The following OTOF variants were observed in gnomAD, a reference collection of about 807,000 sequenced individuals.
OTOF encodes otoferlin, also known as fer-1-like family member 2.
In OTOF, 218 loss-of-function variants were observed where a neutral mutation model predicts 236.8. That is an observed-to-expected ratio of 0.92 (90% confidence interval 0.82 to 1.03). OTOF has a LOEUF of 1.03. OTOF is among the 50% of genes least tolerant of loss of function. OTOF has a pLI of 0.00. For missense variants in OTOF, 2,590 were observed against 2,694.4 expected (o/e 0.96, Z 0.86); for synonymous variants, 1,041 against 1,072.5 (o/e 0.97, Z 0.57).
rs776696992 is a variant in OTOF at position 26,473,988 on chromosome 2, C to T, written c.3408+3G>A. On this transcript the variant is annotated splice_donor_region_variant and intron_variant, in intron 27 of 46. Transcript: ENST00000272371. The surrounding 1 kb of genome is among the most constrained non-coding windows in gnomAD (Gnocchi z 7.2). ...AGGGAAGGGCCACACAGAGCCCTCG[C>T]ACCTCCACTCGGTACTTGCTGAGCA... 1 of 1,612,900 alleles carries T rather than the reference C, an allele frequency of 6.2e-7. No individual in the cohort carries two copies. Among genetic ancestry groups the T allele is most frequent in the Non-Finnish European group, 8.5e-7 (1 of 1,179,884 alleles).
At chr2:26,513,985 C>T (rs905754209) in intron 5 of OTOF, among the ~76,000 whole-genome samples, 6 of 152,234 alleles carry the variant, frequency 3.9e-5, no homozygotes, top group African/African-American at 1.4e-4. Flanking sequence ...AACTCAATGG[C>T]CCCATATGGG....
At chr2:26,556,699 GGTCCTGAGAGCTGGGACCACC>G (rs1392485210) in intron 1 of OTOF, among the ~76,000 whole-genome samples, 2 of 152,058 alleles carry the variant, frequency 1.3e-5, no homozygotes, top group Non-Finnish European at 2.9e-5. Context: ...CTCAGGATGA[GGTCCTGAGAGCTGGGACCACC>G]GTGCCTCAGC....
intron 46 of OTOF, 25 bp from the exon 47 acceptor site, chr2:26,458,245 G>C: frequency 1.3e-6 from 2 of 1,556,586 alleles, no homozygotes; most frequent in Non-Finnish European, 1.7e-6. Context: ...AGAGGAGCCG[G>C]TCAGCCAGTG....
chr2:26,464,168 G>A, intron 39 of OTOF, 62 bp from the exon 40 acceptor site: 3 of 1,598,538 alleles, frequency 1.9e-6, no homozygotes, highest in Non-Finnish European at 2.6e-6. Context: ...CCTTTGCTGG[G>A]ACTAGGGACT....
rs1665622532 is a variant in OTOF at position 26,483,585 on chromosome 2, A to T, written c.1269T>A (p.Ile423=). The change falls in exon 13 of 47, where the codon ATT becomes ATA. Residue 423 remains isoleucine (I), a synonymous_variant. Transcript: ENST00000272371. The part of the protein sequence containing the change: ...ERQWARFYVK[I]YRAEGLPRMN... ...TACGGGGCAGCCCCTCTGCTCGGTA[A>T]ATTTTCACATAGAACCGGGCCCACT... 1 of 1,613,720 alleles carries T rather than the reference A, an allele frequency of 6.2e-7. No individual in the cohort carries two copies.
chr2:26,459,542 ACT>A (rs1159106027), intron 46 of OTOF, among the ~76,000 whole-genome samples: 1 of 137,082 alleles, frequency 7.3e-6, no homozygotes, highest in Non-Finnish European at 1.5e-5. Context: ...ACAGAGCGAG[ACT>A]CTGTCTCCAA....
At chr2:26,502,947 T>C (rs1305380032) in intron 6 of OTOF, among the ~76,000 whole-genome samples, 1 of 152,242 alleles carries the variant, frequency 6.6e-6, no homozygotes, top group African/African-American at 2.4e-5. Flanking sequence ...TTGGTGTGTA[T>C]TCATCTAATG....
At chr2:26,466,148 C>T in intron 36 of OTOF, 72 bp from the exon 37 acceptor site, 1 of 1,591,494 alleles carries the variant, frequency 6.3e-7, no homozygotes, top group Non-Finnish European at 8.6e-7. Context: ...TGCCAGGCTG[C>T]CTGAGGGTCC....
intron 35 of OTOF, 60 bp from the exon 36 acceptor site, chr2:26,466,911 T>C (rs1664754536): frequency 1.2e-6 from 2 of 1,609,586 alleles, no homozygotes; most frequent in African/African-American, 1.3e-5. Flanking sequence ...GCATTCAAAA[T>C]AGCTAACAGC....
intron 13 of OTOF, 102 bp downstream of exon 13, chr2:26,483,360 C>T: frequency 9.2e-7 from 1 of 1,091,046 alleles, no homozygotes. Flanking sequence ...TGATTTCCAG[C>T]CTTGTCTTAC....
chr2:26,494,659 G>GC lies in OTOF; in HGVS notation c.897+282_897+283insG, dbSNP rs57622510. ...CCAGGCCTCTTGGGGAGTGGGGTGGGGGGGGGTTCTTTCACAGGCACTGCT... is the reference window on the plus strand; with the variant it reads ...CCAGGCCTCTTGGGGAGTGGGGTGGGCGGGGGGTTCTTTCACAGGCACTGCT... On this transcript the variant is annotated intron_variant, in intron 9 of 46. Transcript: ENST00000272371. 0.025 allele frequency among the ~76,000 whole-genome samples: 3,515 copies of GC among 143,112 alleles called. 588 individuals are homozygous for GC. The East Asian group carries it at 0.5, about 20-fold the overall frequency. The allele number at this position is 143,112 out of a possible 152,430, so 93.9% of individuals were successfully genotyped here.
At chr2:26,512,110 T>C (rs553463093) in intron 5 of OTOF, among the ~76,000 whole-genome samples, 280 of 152,092 alleles carry the variant, frequency 1.8e-3, no homozygotes, top group Non-Finnish European at 3.3e-3. Flanking sequence ...TCCTCCCAGA[T>C]GAGACCCAGC....
chr2:26,466,696 A>G lies in OTOF; in HGVS notation c.4500+18T>C, dbSNP rs1479633146. On this transcript the variant is annotated intron_variant, in intron 36 of 46. Transcript: ENST00000272371. ...GGATGAGGAGACTTGCAAGGAGGGA[A>G]AGCGACGGGAGTCTCACCCGGACCA... 1 of 1,614,052 alleles carries G rather than the reference A, an allele frequency of 6.2e-7. No homozygotes were observed. Among genetic ancestry groups the G allele is most frequent in the Non-Finnish European group, 8.5e-7 (1 of 1,179,938 alleles).
rs754887048 is a variant in OTOF, at chr2:26,461,962, C to T, written c.5292-25G>A. 1.9e-5 allele frequency: 31 copies of T among 1,613,814 alleles called. No individual in the cohort carries two copies. In the Admixed American group the frequency reaches 4.7e-4, roughly 24 times the overall value. On this transcript the variant is annotated intron_variant, in intron 42 of 46. Transcript: ENST00000272371. The surrounding 1 kb of genome is among the most constrained non-coding windows in gnomAD (Gnocchi z 6.2). ...CCTGTGGGCGCCACATCTCCAGACC[C>T]GCAGCCAGGCTGGTGGGGCCTCTCC... is the stretch of plus-strand genomic sequence containing the variant.
chr2:26,487,400 A>G (rs1191169233), intron 11 of OTOF, among the ~76,000 whole-genome samples: 1 of 152,106 alleles, frequency 6.6e-6, no homozygotes, highest in Admixed American at 6.5e-5. Context: ...ATCTCGAGCT[A>G]GGTTACCCAA....
rs111033330 is a variant in OTOF, at chr2:26,461,897, C to T, written c.5332G>A (p.Val1778Ile). The change falls in exon 43 of 47, where the codon GTC becomes ATC. Residue 1778 changes from valine to isoleucine, a missense_variant. Transcript: ENST00000272371. The surrounding 1 kb of genome is among the most constrained non-coding windows in gnomAD (Gnocchi z 6.2). ...TCGCCAGTGAGGGAGTGGTAGTGGA[C>T]GTCTGTGTCCTGCTTGTCCTCCTGC... is the stretch of plus-strand genomic sequence containing the variant. ...GQQEDKQDTD[V>I]HYHSLTGEGN... The T allele has an allele frequency of 2.4e-5, 39 of 1,614,022 alleles. 1 individual carries two copies. The highest frequency in any genetic ancestry group is 9.9e-5 in the South Asian group (9 of 91,088).
In OTOF at chr2:26,477,682, C is replaced by T. The variant is rs141544736; in HGVS notation, c.2282G>A (p.Arg761Gln). The change falls in exon 19 of 47, where the codon CGG (arginine) becomes CAG (glutamine). Residue 761 changes from arginine (R) to glutamine (Q), a missense_variant. Transcript: ENST00000272371. This position sits in a 1 kb window ranked among gnomAD's most constrained non-coding sequence, Gnocchi z 4.7. ...ACAGCTCAGCTCCTCCAGGACGCCC[C>T]GCAGGCGACGCTCAGGGTAGGACTT... Reference protein sequence around the residue: ...TEKSYPERRLRGVLEELSCGC... With the variant: ...TEKSYPERRLQGVLEELSCGC... The T allele has an allele frequency of 6.8e-5, 110 of 1,612,454 alleles. No individual in the cohort carries two copies. The highest frequency in any genetic ancestry group is 1.8e-4 in the Admixed American group (11 of 60,006).
At chr2:26,479,684 G>A (rs2148055489) in intron 16 of OTOF, 31 bp from the exon 17 acceptor site, 1 of 1,605,160 alleles carries the variant, frequency 6.2e-7, no homozygotes, top group Non-Finnish European at 8.5e-7. Context: ...AAGGCCTAGA[G>A]TGCATTCCCC....
Position 26,460,832 on chromosome 2 carries a change from G to A in OTOF, c.5712+20C>T, listed in dbSNP as rs937795943. On this transcript the variant is annotated intron_variant, in intron 44 of 46. Transcript: ENST00000272371. The surrounding 1 kb of genome is among the most constrained non-coding windows in gnomAD (Gnocchi z 5.3). ...CCAGTCCCAGCCCTGCCTACTGCCC[G>A]AGCAGGAAGGGGTGCGCACCGTGAG... 12 of 1,613,908 alleles carry A rather than the reference G, an allele frequency of 7.4e-6. No homozygotes were observed. Among genetic ancestry groups the A allele is most frequent in the Admixed American group, 3.3e-5 (2 of 60,004 alleles).
Sources: gnomAD v4.1 joint callset for allele counts (sites outside exome capture counted in the v4.1 genomes callset) on GRCh38, gnomAD v4.1.1 for gene constraint, Gnocchi (gnomAD v3.1) non-coding constraint, MANE v1.5 for transcripts, NCBI Gene and HGNC (gene_info 2026-07-23, HGNC 2026-07-21) for gene names.